The following NACAD variants were observed in gnomAD, a reference collection of about 807,000 sequenced individuals.
NACAD encodes NAC-alpha domain-containing protein 1.
A neutral mutation model predicts 98.9 loss-of-function variants in NACAD; 47 were observed. The observed-to-expected ratio is 0.48, with a 90% CI of 0.38 to 0.61. NACAD has a LOEUF of 0.61. NACAD is among the 20% of genes least tolerant of loss of function. The probability of loss-of-function intolerance (pLI) is 0.00; values close to 1 mark genes in which losing one functional copy is unlikely to be tolerated. For missense variants in NACAD, 1,412 were observed against 1,748.2 expected, an observed-to-expected ratio of 0.81 and a Z score of 3.43; for synonymous variants, 696 against 767.2, an observed-to-expected ratio of 0.91 and a Z score of 1.53.
intron 1 of NACAD, 138 bp from the exon 2 acceptor site, chr7:45,086,250 C>A (rs967493248): frequency 4.4e-6 from 4 of 917,398 alleles, no homozygotes; most frequent in Non-Finnish European, 6.4e-6. Context: ...AGAGAAGACC[C>A]TCTGCACGCT....
rs1419907263 is a variant in NACAD at position 45,084,616 on chromosome 7, T to C, written c.1564A>G (p.Met522Val). ...DSTAGQESAA[M>V]AMPQPSQEGI... ...TCCTGGGAGGGCTGAGGCATTGCCA[T>C]GGCAGCAGATTCTTGTCCAGCGGTG... The change falls in exon 2 of 8, where the codon ATG (methionine) becomes GTG (valine). Residue 522 changes from methionine (M) to valine (V), a missense_variant. Around this residue, in one of 5 missense-constraint regions of NACAD, gnomAD observed 638 missense variants for 722.7 expected, o/e 0.88. Transcript: ENST00000490531. 1.0e-5 allele frequency: 16 copies of C among 1,551,566 alleles called. No individual in the cohort carries two copies. Among genetic ancestry groups the C allele is most frequent in the Non-Finnish European group, 1.4e-5 (16 of 1,147,002 alleles).
At position 45,085,737 on chromosome 7, in the gene NACAD, C is replaced by T. The variant is rs1345655266; in HGVS notation, c.443G>A (p.Ser148Asn). The T allele has an allele frequency of 6.5e-7, 1 of 1,549,816 alleles. No homozygotes were observed. Among genetic ancestry groups the T allele is most frequent in the South Asian group, 1.2e-5 (1 of 83,942 alleles). ...ALRDQEGGHA[S>N]PDPPPELCSQ... ...ACACAGCTCGGGGGGTGGGTCTGGG[C>T]TTGCGTGCCCACCCTCCTGGTCCCT... The change falls in exon 2 of 8, where the codon AGC becomes AAC. Residue 148 changes from serine (S) to asparagine (N), a missense_variant. Coordinates refer to ENST00000490531, the MANE Select transcript of NACAD (RefSeq NM_001146334.2). This position sits in a 1 kb window ranked among gnomAD's most constrained non-coding sequence, Gnocchi z 6.1.
In NACAD at chr7:45,081,823, C is replaced by T. The variant is rs750672049; in HGVS notation, c.4117G>A (p.Gly1373Arg). 9 of 1,549,600 alleles carry T rather than the reference C, an allele frequency of 5.8e-6. No individual in the cohort carries two copies. In the East Asian group the frequency reaches 7.3e-5, roughly 13 times the overall value. ...TCGTCCAGCTCGGCTGATGACTCCCCGTGGCTATCCGAATGCTGGCCCGAG... is the reference window on the plus strand; with the variant it reads ...TCGTCCAGCTCGGCTGATGACTCCCTGTGGCTATCCGAATGCTGGCCCGAG... ...LGSGQHSDSH[G>R]ESSAELDEQD... is the part of the protein sequence containing the mutation. Residue 1373 changes from glycine to arginine, a missense_variant, in exon 3 of 8, where the codon GGG (glycine) becomes AGG (arginine). Around this residue, in one of 5 missense-constraint regions of NACAD, gnomAD observed 572 missense variants for 639.6 expected, o/e 0.89. Coordinates refer to ENST00000490531, the MANE Select transcript of NACAD (RefSeq NM_001146334.2).
intron 1 of NACAD, among the ~76,000 whole-genome samples, chr7:45,087,009 A>G (rs1348506840): frequency 6.6e-6 from 1 of 151,908 alleles, no homozygotes; most frequent in African/African-American, 2.4e-5. Flanking sequence ...CACTCCCCCA[A>G]CCCGCTGGGC....
chr7:45,085,334 T>C lies in NACAD; in HGVS notation c.846A>G (p.Ala282=). The C allele has an allele frequency of 6.4e-7, 1 of 1,550,946 alleles. No individual in the cohort carries two copies. Among genetic ancestry groups the C allele is most frequent in the Non-Finnish European group, 8.7e-7 (1 of 1,146,834 alleles). Reference sequence around the variant, plus strand: ...CCTGGCCCCAGGAGGAGCTGCTGTCTGCAGAGAGGCTGGACTCAGAGGACG... The same window carrying C: ...CCTGGCCCCAGGAGGAGCTGCTGTCCGCAGAGAGGCTGGACTCAGAGGACG... ...EPPSSESSLS[A]DSSSSWGQEG... The change falls in exon 2 of 8, where the codon GCA becomes GCG. Residue 282 remains alanine (A), a synonymous_variant. Coordinates refer to ENST00000490531, the MANE Select transcript of NACAD (RefSeq NM_001146334.2). This position sits in a 1 kb window ranked among gnomAD's most constrained non-coding sequence, Gnocchi z 6.1.
At position 45,088,027 on chromosome 7, in the gene NACAD, C is replaced by T. The variant is rs536407080; in HGVS notation, c.67+801G>A. Among the ~76,000 whole-genome samples, 4 of 152,352 alleles carry T rather than the reference C, an allele frequency of 2.6e-5. No homozygotes were observed. In the East Asian group the frequency reaches 5.8e-4, roughly 22 times the overall value. ...CTCCCACCTAGAGCAGAGGCAGCAG[C>T]CTGTGTCACCCCAAACCAGGCCCCA... is the stretch of plus-strand genomic sequence containing the variant. On this transcript the variant is annotated intron_variant, in intron 1 of 7. Coordinates refer to ENST00000490531, the MANE Select transcript of NACAD (RefSeq NM_001146334.2). The surrounding 1 kb of genome is among the most constrained non-coding windows in gnomAD (Gnocchi z 5.7).
At position 45,083,289 on chromosome 7, in the gene NACAD, A is replaced by G. The variant is rs985993117; in HGVS notation, c.2891T>C (p.Met964Thr). 1 of 1,551,152 alleles carries G rather than the reference A, an allele frequency of 6.4e-7. No homozygotes were observed. Among genetic ancestry groups the G allele is most frequent in the Non-Finnish European group, 8.7e-7 (1 of 1,146,988 alleles). Residue 964 changes from methionine (M) to threonine (T), a missense_variant, in exon 2 of 8, where the codon ATG becomes ACG. This residue lies in a region of NACAD where 572 missense variants were observed against 639.6 expected (regional missense o/e 0.89). Coordinates refer to ENST00000490531, the MANE Select transcript of NACAD (RefSeq NM_001146334.2). Reference sequence around the variant, plus strand: ...GGCCTCACCTACTTCCTGCTGAGCCATGGTGGCCACAGGCTCTGTCCCTGG... The same window carrying G: ...GGCCTCACCTACTTCCTGCTGAGCCGTGGTGGCCACAGGCTCTGTCCCTGG... ...CAPGTEPVAT[M>T]AQQEVGEALG...
chr7:45,083,404 G>T lies in NACAD; in HGVS notation c.2776C>A (p.Leu926Met). The change falls in exon 2 of 8, where the codon CTG (leucine) becomes ATG (methionine). Residue 926 changes from leucine (L) to methionine (M), a missense_variant. By Grantham distance (15) the Leu-to-Met change is conservative (BLOSUM62 2). Coordinates refer to ENST00000490531, the MANE Select transcript of NACAD (RefSeq NM_001146334.2). ...GTGGGGCCTGTGTCTTGCAGAGGCA[G>T]AGGTGCTGTCATAGCGGAGTCCTGG... ...LPQDSAMTAPLPLQDTGPTSG... is the reference protein window; with the variant it reads ...LPQDSAMTAPMPLQDTGPTSG... The T allele has an allele frequency of 6.4e-7, 1 of 1,551,040 alleles. No individual in the cohort carries two copies.
At chr7:45,081,062 C>A (rs1362899250) in intron 5 of NACAD, 40 bp from the exon 6 acceptor site, 1 of 1,550,676 alleles carries the variant, frequency 6.4e-7, no homozygotes. Context: ...GAGCCTGTCC[C>A]CCCCTTGTCC....
chr7:45,085,613 A>G lies in NACAD; in HGVS notation c.567T>C (p.Pro189=), dbSNP rs1374278808. ...TPTKTTYALL[P]ACGPHGDARD... is the part of the protein sequence containing the mutation. ...TGGCGTCCCCGTGGGGCCCACAGGCAGGAAGCAGGGCATAGGTGGTCTTGG... is the reference window on the plus strand; with the variant it reads ...TGGCGTCCCCGTGGGGCCCACAGGCGGGAAGCAGGGCATAGGTGGTCTTGG... The change falls in exon 2 of 8, where the codon CCT becomes CCC. Residue 189 remains proline, a synonymous_variant. Transcript: ENST00000490531. The surrounding 1 kb of genome is among the most constrained non-coding windows in gnomAD (Gnocchi z 6.1). 6.5e-7 allele frequency: 1 copy of G among 1,549,318 alleles called. No individual in the cohort carries two copies. Among genetic ancestry groups the G allele is most frequent in the Admixed American group, 2.0e-5 (1 of 50,852 alleles).
rs1180921242 is a variant in NACAD, at chr7:45,081,126, G to A, written c.4395C>T (p.Gly1465=). The part of the protein sequence containing the change: ...SPASDTYVVF[G]EAKIEDLSQQ... ...CAGCCGCCACCCAGACCTTGGCCTC[G>A]CCAAAGACCACATAAGTGTCTGAGG... The change falls in exon 5 of 8, where the codon GGC becomes GGT. Residue 1465 remains glycine, a synonymous_variant. Coordinates refer to ENST00000490531, the MANE Select transcript of NACAD (RefSeq NM_001146334.2). 1.3e-6 allele frequency: 2 copies of A among 1,551,404 alleles called. No homozygotes were observed. Among genetic ancestry groups the A allele is most frequent in the Non-Finnish European group, 8.7e-7 (1 of 1,146,970 alleles).
Position 45,082,373 on chromosome 7 carries a change from G to A in NACAD, c.3807C>T (p.Gly1269=). 6.5e-7 allele frequency: 1 copy of A among 1,550,094 alleles called. No individual in the cohort carries two copies. Among genetic ancestry groups the A allele is most frequent in the Non-Finnish European group, 8.7e-7 (1 of 1,146,884 alleles). The stretch of plus-strand genomic sequence containing the variant: ...GGACTCCTGCCTGGGGCGGTGGGAG[G>A]CCCAGAGAGCCTGGGGGCTCCTCGT... The part of the protein sequence containing the change: ...VEDEEPPGSL[G]LPPPQAGVQP... Residue 1269 remains glycine, a synonymous_variant, in exon 2 of 8, where the codon GGC becomes GGT. Transcript: ENST00000490531. The surrounding 1 kb of genome is among the most constrained non-coding windows in gnomAD (Gnocchi z 4.5).
rs927192291 is a variant in NACAD at position 45,088,802 on chromosome 7, C to T, written c.67+26G>A. 2.5e-4 allele frequency: 372 copies of T among 1,476,906 alleles called. No homozygotes were observed. Among genetic ancestry groups the T allele is most frequent in the Non-Finnish European group, 3.2e-4 (359 of 1,116,426 alleles). 91.5% of individuals were successfully genotyped at this position (1,476,906 alleles called of 1,614,324 possible). A position where few individuals can be genotyped will look rare whatever the true frequency, so the allele number is the denominator to read the frequency against. ...GGCTGGAGAGGGGAGAGGCTGAAGG[C>T]AGGGAAAGAGTGGCCACGGCCTCAC... On this transcript the variant is annotated intron_variant, in intron 1 of 7. Transcript: ENST00000490531. This position sits in a 1 kb window ranked among gnomAD's most constrained non-coding sequence, Gnocchi z 5.7.
Position 45,082,001 on chromosome 7 carries a change from G to A in NACAD, c.4072+107C>T. ...GCTCTCCATGGTGGCTGTGGGGTCT[G>A]GGCCCCCCACCTCGCCACCTCAGAG... is the stretch of plus-strand genomic sequence containing the variant. On this transcript the variant is annotated intron_variant, in intron 2 of 7. Transcript: ENST00000490531. This position sits in a 1 kb window ranked among gnomAD's most constrained non-coding sequence, Gnocchi z 4.5. The A allele has an allele frequency of 2.1e-6, 3 of 1,448,928 alleles. No homozygotes were observed. Among genetic ancestry groups the A allele is most frequent in the African/African-American group, 1.4e-5 (1 of 70,390 alleles). 89.8% of individuals were successfully genotyped at this position (1,448,928 alleles called of 1,614,324 possible).
chr7:45,088,779 C>A lies in NACAD; in HGVS notation c.67+49G>T. 1 of 1,431,882 alleles carries A rather than the reference C, an allele frequency of 7.0e-7. No homozygotes were observed. The highest frequency in any genetic ancestry group is 2.4e-5 in the Admixed American group (1 of 41,720). The allele number at this position is 1,431,882 out of a possible 1,614,324, so 88.7% of individuals were successfully genotyped here. On this transcript the variant is annotated intron_variant, in intron 1 of 7. Coordinates refer to ENST00000490531, the MANE Select transcript of NACAD (RefSeq NM_001146334.2). The surrounding 1 kb of genome is among the most constrained non-coding windows in gnomAD (Gnocchi z 5.7). ...GTGAGCGATGGAAAGAGAACCCGGG[C>A]TGGAGAGGGGAGAGGCTGAAGGCAG...
intron 1 of NACAD, among the ~76,000 whole-genome samples, chr7:45,087,123 A>G (rs1189115358): frequency 6.6e-6 from 1 of 152,182 alleles, no homozygotes; most frequent in Non-Finnish European, 1.5e-5. Flanking sequence ...TGGGTCAGAA[A>G]GGACTTAGGG....
intron 1 of NACAD, among the ~76,000 whole-genome samples, chr7:45,086,591 G>A (rs1412579743): frequency 2.0e-5 from 3 of 152,326 alleles, no homozygotes; most frequent in East Asian, 3.9e-4. Context: ...CGCGCAGCTC[G>A]AACACTCTGG....
chr7:45,082,339 C>T lies in NACAD; in HGVS notation c.3841G>A (p.Ala1281Thr), dbSNP rs774759783. ...TGTGTGGTTCCTGAGACAGCAGCAG[C>T]GGCAGGCTGGACTCCTGCCTGGGGC... is the stretch of plus-strand genomic sequence containing the variant. ...PPPQAGVQPAAAAVSGTTQPL... is the reference protein window; with the variant it reads ...PPPQAGVQPATAAVSGTTQPL... The change falls in exon 2 of 8, where the codon GCT (alanine) becomes ACT (threonine). Residue 1281 changes from alanine (A) to threonine (T), a missense_variant. Physicochemically the swap from Ala to Thr is moderately conservative, Grantham distance 58. Coordinates refer to ENST00000490531, the MANE Select transcript of NACAD (RefSeq NM_001146334.2). The surrounding 1 kb of genome is among the most constrained non-coding windows in gnomAD (Gnocchi z 4.5). The T allele has an allele frequency of 2.7e-5, 42 of 1,550,324 alleles. 1 individual carries two copies. Among genetic ancestry groups the T allele is most frequent in the South Asian group, 1.9e-4 (16 of 84,062 alleles).
rs1263902558 is a variant in NACAD, at chr7:45,085,514, C to G, written c.666G>C (p.Thr222=). Residue 222 remains threonine, a synonymous_variant, in exon 2 of 8, where the codon ACG becomes ACC. Coordinates refer to ENST00000490531, the MANE Select transcript of NACAD (RefSeq NM_001146334.2). The surrounding 1 kb of genome is among the most constrained non-coding windows in gnomAD (Gnocchi z 6.1). ...PPASPSGSYI[T]ADGDSWASSP... is the part of the protein sequence containing the mutation. ...AAGAGGCCCAGCTGTCCCCATCGGC[C>G]GTAATGTAGGAGCCCGAGGGTGAGG... is the stretch of plus-strand genomic sequence containing the variant. 2 of 1,550,638 alleles carry G rather than the reference C, an allele frequency of 1.3e-6. No homozygotes were observed. The highest frequency in any genetic ancestry group is 1.4e-5 in the African/African-American group (1 of 73,014).
Sources: gnomAD v4.1 joint callset for allele counts (sites outside exome capture counted in the v4.1 genomes callset) on GRCh38, gnomAD v4.1.1 for gene constraint, gnomAD v4.1.1 regional missense constraint, Gnocchi (gnomAD v3.1) non-coding constraint, MANE v1.5 for transcripts, NCBI Gene and HGNC (gene_info 2026-07-23, HGNC 2026-07-21) for gene names.